Variants in MINAR1 observed in about 807,000 individuals in gnomAD.
MINAR1 encodes the protein membrane integral NOTCH2 associated receptor 1.
A neutral mutation model predicts 65.1 loss-of-function variants in MINAR1; 40 were observed. The ratio of observed to expected loss-of-function variants is 0.61; its 90% CI spans 0.48 to 0.80. The LOEUF (loss-of-function observed/expected upper bound fraction) is 0.80, where lower values mean the gene tolerates loss of function less well. MINAR1 is among the 30% of genes least tolerant of loss of function. The pLI is 0.00. For missense variants in MINAR1, 1,128 were observed against 1,148.0 expected (o/e 0.98, Z 0.25); for synonymous variants, 482 against 449.1 (o/e 1.07, Z -0.93).
chr15:79,420,292 A>C, the MINAR1 span: 1 of 152,222 alleles, frequency 6.6e-6, no homozygotes, highest in African/African-American at 2.4e-5. Context: ...ATTTGCCTAC[A>C]TCATTAGGCA....
At chr15:79,445,210 T>A (rs1420948073) in intron 1 of MINAR1, among the ~76,000 whole-genome samples, 1 of 152,090 alleles carries the variant, frequency 6.6e-6, no homozygotes, top group African/African-American at 2.4e-5. Flanking sequence ...AGCTCACACT[T>A]ATTAGAGTGC....
intron 3 of MINAR1, among the ~76,000 whole-genome samples, chr15:79,466,101 A>G (rs1391832778): frequency 6.6e-6 from 1 of 151,736 alleles, no homozygotes; most frequent in Non-Finnish European, 1.5e-5. Flanking sequence ...CACAATAGGG[A>G]CTTTTCCCCA....
chr15:79,457,175 C>G lies in MINAR1; in HGVS notation c.1028C>G (p.Thr343Ser). The change falls in exon 2 of 4, where the codon ACT (threonine) becomes AGT (serine). Residue 343 changes from threonine (T) to serine (S), a missense_variant. Thr to Ser is a moderately conservative substitution (Grantham distance 58). Transcript: ENST00000305428. ...DLQASTYFGP[T>S]PVMGTQEARR... ...CAAGCCTCTACATATTTTGGGCCCA[C>G]TCCCGTGATGGGAACCCAAGAAGCC... is the stretch of plus-strand genomic sequence containing the variant. The G allele has an allele frequency of 6.2e-7, 1 of 1,614,172 alleles. No homozygotes were observed. The highest frequency in any genetic ancestry group is 8.5e-7 in the Non-Finnish European group (1 of 1,180,030).
In MINAR1 at chr15:79,465,149, G is replaced by GAGT. The variant is rs1895791902; in HGVS notation, c.2553+1830_2553+1832dup. Among the ~76,000 whole-genome samples the GAGT allele has an allele frequency of 3.3e-5, 5 of 152,208 alleles. No homozygotes were observed. The South Asian group carries it at 1.0e-3, about 32-fold the overall frequency. On this transcript the variant is annotated intron_variant, in intron 3 of 3. Transcript: ENST00000305428. ...ACATTACTTAAAAATCCAAAGGAGA[G>GAGT]AGTATCCAGTTGCATAAAATATGAG...
chr15:79,457,922 T>C lies in MINAR1; in HGVS notation c.1775T>C (p.Leu592Pro). ...AACACCCACCACTCGGAAGAAGAGCTGAAGACCAGTGTGTGCAAACTGGTG... is the reference window on the plus strand; with the variant it reads ...AACACCCACCACTCGGAAGAAGAGCCGAAGACCAGTGTGTGCAAACTGGTG... ...PENTHHSEEE[L>P]KTSVCKLVLR... Residue 592 changes from leucine to proline, a missense_variant, in exon 2 of 4, where the codon CTG (leucine) becomes CCG (proline). By Grantham distance (98) the Leu-to-Pro change is moderately conservative. Coordinates refer to ENST00000305428, the MANE Select transcript of MINAR1 (RefSeq NM_015206.3). 1.2e-6 allele frequency: 2 copies of C among 1,614,172 alleles called. No individual in the cohort carries two copies.
upstream of MINAR1, among the ~76,000 whole-genome samples, chr15:79,430,336 A>G (rs901662334): frequency 9.2e-5 from 14 of 152,110 alleles, no homozygotes; most frequent in Non-Finnish European, 1.0e-4. Context: ...TCATGAAGAA[A>G]CAGGAGAAAA....
chr15:79,421,757 G>A, the MINAR1 span: 1 of 152,274 alleles, frequency 6.6e-6, no homozygotes. Flanking sequence ...GAAGACACCA[G>A]AGGGGACACC....
In MINAR1 at chr15:79,471,711, G is replaced by A. The variant is rs1399528792; in HGVS notation, c.*3327G>A. 1 of 145,600 alleles carries A rather than the reference G, an allele frequency of 6.9e-6. No individual in the cohort carries two copies. The highest frequency in any genetic ancestry group is 6.8e-5 in the Admixed American group (1 of 14,644). 9.0% of individuals were successfully genotyped at this position (145,600 alleles called of 1,614,324 possible). A position where few individuals can be genotyped will look rare whatever the true frequency, so the allele number is the denominator to read the frequency against. On this transcript the variant is annotated 3_prime_UTR_variant, in exon 4 of 4. Transcript: ENST00000305428. ...GAGCAGTGGCATCACATTTGTTGTT[G>A]TTGTTTTTTTTTTTGAAATAGAAAA...
At chr15:79,463,645 G>A (rs1895733862) in intron 3 of MINAR1, 2 of 551,044 alleles carry the variant, frequency 3.6e-6, no homozygotes, top group Admixed American at 4.4e-5. Context: ...CACAAGACCT[G>A]AGCCAAACTG....
At chr15:79,463,734 TTA>T (rs1244864512) in intron 3 of MINAR1, 1 of 462,462 alleles carries the variant, frequency 2.2e-6, no homozygotes, top group African/African-American at 2.0e-5. Context: ...AAGCTATGGA[TTA>T]TGTTTCCATA....
Position 79,457,725 on chromosome 15 carries a change from T to A in MINAR1, c.1578T>A (p.Asp526Glu). The stretch of plus-strand genomic sequence containing the variant: ...TCAGTGACATTTTCCGATTTCTTGA[T>A]GACATGAGCATCAGTGGCTCCACGG... ...DDISDIFRFL[D>E]DMSISGSTGV... The change falls in exon 2 of 4, where the codon GAT becomes GAA. Residue 526 changes from aspartate to glutamate, a missense_variant. By Grantham distance (45) the Asp-to-Glu change is conservative. Transcript: ENST00000305428. 1 of 1,614,216 alleles carries A rather than the reference T, an allele frequency of 6.2e-7. No homozygotes were observed. Among genetic ancestry groups the A allele is most frequent in the Non-Finnish European group, 8.5e-7 (1 of 1,180,030 alleles).
chr15:79,466,520 C>G (rs867200808), intron 3 of MINAR1, among the ~76,000 whole-genome samples: 2 of 152,064 alleles, frequency 1.3e-5, no homozygotes, highest in African/African-American at 4.8e-5. Flanking sequence ...ATAAAATATT[C>G]TTTTGATTTT....
At position 79,456,511 on chromosome 15, in the gene MINAR1, T is replaced by C. The variant is rs750333484; in HGVS notation, c.364T>C (p.Cys122Arg). ...CAAGAAGGAGGCATCCTTTGAATCA[T>C]GTAGGTCGGACACAGAGATCTGCAA... ...VRKKEASFESCRSDTEICNAA... is the reference protein window; with the variant it reads ...VRKKEASFESRRSDTEICNAA... Residue 122 changes from cysteine (C) to arginine (R), a missense_variant, in exon 2 of 4, where the codon TGT becomes CGT. Physicochemically the swap from Cys to Arg is radical, Grantham distance 180. Transcript: ENST00000305428. 4.3e-6 allele frequency: 7 copies of C among 1,613,926 alleles called. No homozygotes were observed. The highest frequency in any genetic ancestry group is 2.2e-5 in the East Asian group (1 of 44,882).
At chr15:79,460,868 A>T (rs1284437314) in intron 2 of MINAR1, among the ~76,000 whole-genome samples, 1 of 152,190 alleles carries the variant, frequency 6.6e-6, no homozygotes, top group Non-Finnish European at 1.5e-5. Flanking sequence ...AGCCATGCTC[A>T]TTCATTTGGT....
At position 79,456,962 on chromosome 15, in the gene MINAR1, C is replaced by A. The variant is rs1895443919; in HGVS notation, c.815C>A (p.Pro272His). 2 of 1,614,116 alleles carry A rather than the reference C, an allele frequency of 1.2e-6. No homozygotes were observed. Among genetic ancestry groups the A allele is most frequent in the Non-Finnish European group, 1.7e-6 (2 of 1,180,010 alleles). The change falls in exon 2 of 4, where the codon CCC (proline) becomes CAC (histidine). Residue 272 changes from proline (P) to histidine (H), a missense_variant. By Grantham distance (77) the Pro-to-His change is moderately conservative. Coordinates refer to ENST00000305428, the MANE Select transcript of MINAR1 (RefSeq NM_015206.3). ...EDFHNLMAVS[P>H]SLVGPISKAE... ...TTTCACAATTTGATGGCAGTGTCCC[C>A]CAGTTTGGTTGGCCCCATCAGCAAA...
At position 79,454,881 on chromosome 15, in the gene MINAR1, C is replaced by A. The variant is rs539737304; in HGVS notation, c.-50-1217C>A. ...AATTGTTGAAACATCAGCCAGTGCA[C>A]CCTTAAGATTTGTGAACTTCATTGT... On this transcript the variant is annotated intron_variant, in intron 1 of 3. Transcript: ENST00000305428. 1.2e-3 allele frequency among the ~76,000 whole-genome samples: 184 copies of A among 152,078 alleles called. 1 individual carries two copies. Among genetic ancestry groups the A allele is most frequent in the African/African-American group, 4.2e-3 (175 of 41,468 alleles).
At chr15:79,447,283 A>C (rs560949954) in intron 1 of MINAR1, among the ~76,000 whole-genome samples, 1 of 152,064 alleles carries the variant, frequency 6.6e-6, no homozygotes, top group Non-Finnish European at 1.5e-5. Flanking sequence ...CTTTATTTAG[A>C]TCTAATATGC....
rs1009437017 is a variant in MINAR1 at position 79,469,610 on chromosome 15, A to C, written c.*1226A>C. On this transcript the variant is annotated 3_prime_UTR_variant, in exon 4 of 4. Coordinates refer to ENST00000305428, the MANE Select transcript of MINAR1 (RefSeq NM_015206.3). ...TTTTTATTTATTGTCTTCTCTGTTA[A>C]ATAACTTGAGAGCAAGGTTTCTTTC... The C allele has an allele frequency of 1.6e-4, 24 of 152,564 alleles. No homozygotes were observed. Among genetic ancestry groups the C allele is most frequent in the African/African-American group, 5.6e-4 (23 of 41,408 alleles). The allele number at this position is 152,564 out of a possible 1,614,324, so 9.5% of individuals were successfully genotyped here. A position where few individuals can be genotyped will look rare whatever the true frequency, so the allele number is the denominator to read the frequency against.
chr15:79,442,992 G>A (rs1000984933), intron 1 of MINAR1, among the ~76,000 whole-genome samples: 1 of 152,174 alleles, frequency 6.6e-6, no homozygotes, highest in Admixed American at 6.5e-5. Flanking sequence ...CTGCATTGGT[G>A]AGAGAGGATT....
Sources: gnomAD v4.1 joint callset for allele counts (sites outside exome capture counted in the v4.1 genomes callset) on GRCh38, gnomAD v4.1.1 for gene constraint, MANE v1.5 for transcripts, NCBI Gene and HGNC (gene_info 2026-07-23, HGNC 2026-07-21) for gene names.